Variants in SCLT1 observed in about 807,000 individuals in gnomAD.
SCLT1 encodes the protein sodium channel-associated protein 1.
In SCLT1, 78 loss-of-function variants were observed where a neutral mutation model predicts 112.8. That is an observed-to-expected ratio of 0.69 (90% CI 0.58 to 0.83). The LOEUF is 0.83. Among genes scored for constraint, SCLT1 ranks in the 40% least tolerant of loss-of-function variants. The pLI, the probability that SCLT1 is intolerant of heterozygous loss-of-function variation, is 0.00. For missense variants in SCLT1, 747 were observed against 770.4 expected, an observed-to-expected ratio of 0.97 and a Z score of 0.36; for synonymous variants, 257 against 254.7, an observed-to-expected ratio of 1.01 and a Z score of -0.09.
intron 5 of SCLT1, among the ~76,000 whole-genome samples, chr4:129,023,878 G>A (rs1745738979): frequency 6.6e-6 from 1 of 152,238 alleles, no homozygotes; most frequent in Non-Finnish European, 1.5e-5. Flanking sequence ...GGCACACCAG[G>A]AGATTATATC....
At chr4:129,077,919 C>A (rs1751602157) in intron 2 of SCLT1, among the ~76,000 whole-genome samples, 1 of 152,182 alleles carries the variant, frequency 6.6e-6, no homozygotes, top group Admixed American at 6.5e-5. Context: ...GATTAATTTC[C>A]TCATGCTGTC....
At chr4:129,003,602 C>G in intron 6 of SCLT1, 139 bp downstream of exon 6, 1 of 662,416 alleles carries the variant, frequency 1.5e-6, no homozygotes, top group Middle Eastern at 4.2e-4. Context: ...GTGTTGCTAC[C>G]TGTAACGATT....
intron 18 of SCLT1, among the ~76,000 whole-genome samples, chr4:128,933,553 G>A (rs550327991): frequency 1.2e-4 from 18 of 152,046 alleles, no homozygotes; most frequent in African/African-American, 4.3e-4. Flanking sequence ...GGCTTATCTT[G>A]TACTCTCCTG....
intron 10 of SCLT1, among the ~76,000 whole-genome samples, chr4:128,969,923 A>C (rs1317124760): frequency 1.3e-5 from 2 of 152,218 alleles, no homozygotes; most frequent in Non-Finnish European, 2.9e-5. Flanking sequence ...CCAGAGTGAG[A>C]ATTTTCAATA....
At chr4:129,076,412 TC>T in intron 2 of SCLT1, among the ~76,000 whole-genome samples, 1 of 152,220 alleles carries the variant, frequency 6.6e-6, no homozygotes, top group Non-Finnish European at 1.5e-5. Context: ...TCTCCTTTTT[TC>T]CCCCAGCAGA....
intron 10 of SCLT1, among the ~76,000 whole-genome samples, chr4:128,966,843 GT>G (rs34186359): frequency 0.087 from 12,773 of 146,124 alleles, 671 homozygotes; most frequent in South Asian, 0.14. Context: ...GTTTCCACAG[GT>G]TTTTTTTTTT....
At chr4:128,993,074 T>C (rs1353443135) in intron 8 of SCLT1, among the ~76,000 whole-genome samples, 1 of 151,984 alleles carries the variant, frequency 6.6e-6, no homozygotes, top group Non-Finnish European at 1.5e-5. Flanking sequence ...GCTTCTCTCA[T>C]GCTCTGAGCT....
At chr4:128,897,812 A>G (rs1733909678) in intron 18 of SCLT1, among the ~76,000 whole-genome samples, 1 of 152,182 alleles carries the variant, frequency 6.6e-6, no homozygotes, top group Non-Finnish European at 1.5e-5. Flanking sequence ...GGCTCAAAAT[A>G]AAGGGATGGA....
At chr4:129,000,293 T>C (rs1743362700) in intron 6 of SCLT1, among the ~76,000 whole-genome samples, 1 of 152,008 alleles carries the variant, frequency 6.6e-6, no homozygotes, top group Non-Finnish European at 1.5e-5. Context: ...TCTTTTTAAA[T>C]GTTGATGCAT....
chr4:129,083,186 G>GAAAAAAAAAAAAAAAAAAAA (rs10651058), intron 1 of SCLT1, among the ~76,000 whole-genome samples: 1 of 84,534 alleles, frequency 1.2e-5, no homozygotes, highest in Non-Finnish European at 2.1e-5. Flanking sequence ...GTGAGACTCT[G>GAAAAAAAAAAAAAAAAAAAA]AAAAAAAAAA....
chr4:128,919,903 A>G (rs1013300707), intron 18 of SCLT1, among the ~76,000 whole-genome samples: 1 of 152,130 alleles, frequency 6.6e-6, no homozygotes, highest in Non-Finnish European at 1.5e-5. Flanking sequence ...TGAATCAATA[A>G]TAAAAGTCTA....
At chr4:128,932,571 A>AT (rs1304818947) in intron 18 of SCLT1, among the ~76,000 whole-genome samples, 1 of 152,120 alleles carries the variant, frequency 6.6e-6, no homozygotes, top group Admixed American at 6.5e-5. Context: ...AAGGATGCCC[A>AT]TTTTTGCCAC....
intron 18 of SCLT1, among the ~76,000 whole-genome samples, chr4:128,909,855 G>A (rs758834839): frequency 6.6e-6 from 1 of 152,162 alleles, no homozygotes; most frequent in Non-Finnish European, 1.5e-5. Context: ...GATAAAATAT[G>A]GCAGAGAAAA....
At chr4:129,032,963 T>C (rs909049457) in intron 5 of SCLT1, among the ~76,000 whole-genome samples, 38 of 152,110 alleles carry the variant, frequency 2.5e-4, no homozygotes, top group African/African-American at 8.9e-4. Context: ...TTCCATTTGA[T>C]CCAGCAATCC....
At chr4:128,926,047 TC>T (rs930151167) in intron 18 of SCLT1, among the ~76,000 whole-genome samples, 2 of 151,922 alleles carry the variant, frequency 1.3e-5, no homozygotes, top group African/African-American at 4.8e-5. Flanking sequence ...AATAATTTTA[TC>T]CCCTCTCATT....
chr4:128,915,122 C>T (rs1735379081), intron 18 of SCLT1, among the ~76,000 whole-genome samples: 1 of 152,140 alleles, frequency 6.6e-6, no homozygotes, highest in Non-Finnish European at 1.5e-5. Flanking sequence ...TTATCAAGTG[C>T]CCAACACTAT....
chr4:128,880,074 G>A (rs930206130), downstream of SCLT1, among the ~76,000 whole-genome samples: 4 of 152,122 alleles, frequency 2.6e-5, no homozygotes, highest in African/African-American at 4.8e-5. Flanking sequence ...TTTTCATTTT[G>A]GACAGGATTA....
chr4:128,894,052 G>C (rs1037811374), intron 18 of SCLT1, among the ~76,000 whole-genome samples: 2 of 152,014 alleles, frequency 1.3e-5, no homozygotes, highest in Admixed American at 6.5e-5. Flanking sequence ...TGGTCCTCTT[G>C]CCTCAGCCTC....
intron 4 of SCLT1, 21 bp downstream of exon 4, chr4:129,043,374 C>T: frequency 8.3e-7 from 1 of 1,205,878 alleles, no homozygotes; most frequent in East Asian, 2.3e-5. Context: ...TTACAAAAGC[C>T]TCATAACTAT....
Sources: allele counts gnomAD v4.1 joint callset (sites outside exome capture counted in the v4.1 genomes callset), GRCh38; gene constraint gnomAD v4.1.1; transcripts MANE v1.5; gene names NCBI Gene and HGNC (gene_info 2026-07-23, HGNC 2026-07-21).